Variants in PCED1A observed in about 807,000 individuals in gnomAD.
PCED1A encodes PC-esterase domain containing 1A.
In PCED1A, 20 loss-of-function variants were observed where a neutral mutation model predicts 41.9. That is an observed-to-expected ratio of 0.48 (90% confidence interval 0.34 to 0.69). The LOEUF (loss-of-function observed/expected upper bound fraction) is 0.69. Ranked by LOEUF, PCED1A falls within the 30% of genes least tolerant of loss-of-function variation. PCED1A has a pLI of 0.01. For synonymous variants in PCED1A, 236 were observed against 241.3 expected (o/e 0.98, Z 0.20); for missense variants, 498 against 602.1 (o/e 0.83, Z 1.81).
intron 6 of PCED1A, among the ~76,000 whole-genome samples, chr20:2,837,483 C>T (rs555788983): frequency 2.2e-4 from 34 of 152,300 alleles, no homozygotes; most frequent in African/African-American, 7.9e-4. Context: ...TTTAAGGACA[C>T]GATGCAGGGG....
rs1278051583 is a variant in PCED1A, at chr20:2,840,581, C to T, written c.-392G>A. 2 of 626,706 alleles carry T rather than the reference C, an allele frequency of 3.2e-6. No homozygotes were observed. Among genetic ancestry groups the T allele is most frequent in the East Asian group, 5.8e-5 (2 of 34,232 alleles). The allele number at this position is 626,706 out of a possible 1,614,324, so 38.8% of individuals were successfully genotyped here. ...CAGGGCGCAGGAGCCAGGGCTGGGC[C>T]CACTTGGCGGGCGCGAAGCCCAGGT... On this transcript the variant is annotated 5_prime_UTR_variant, in exon 1 of 8. Transcript: ENST00000360652.
At chr20:2,837,667 C>T (rs12480317) in intron 6 of PCED1A, among the ~76,000 whole-genome samples, 3,008 of 151,928 alleles carry the variant, frequency 0.02, 87 homozygotes, top group African/African-American at 0.056. Flanking sequence ...ACCAAAGGCC[C>T]AGAGATGGGG....
Position 2,836,672 on chromosome 20 carries a change from AC to A in PCED1A, c.842-359del, listed in dbSNP as rs1211363696. 5.3e-5 allele frequency among the ~76,000 whole-genome samples: 8 copies of A among 152,252 alleles called. No individual in the cohort carries two copies. The East Asian group carries it at 1.5e-3, about 29-fold the overall frequency. On this transcript the variant is annotated intron_variant, in intron 6 of 7. Transcript: ENST00000360652. ...TTCCCTTCCCCAACAACTTCCTTTT[AC>A]CATCCAAACTTCCAAAAGGAATGTT...
chr20:2,837,268 C>T (rs2088850454), intron 6 of PCED1A, among the ~76,000 whole-genome samples: 1 of 152,204 alleles, frequency 6.6e-6, no homozygotes, highest in Non-Finnish European at 1.5e-5. Flanking sequence ...CTCCTGGCTA[C>T]CAAGTGTTAC....
chr20:2,838,611 A>C lies in PCED1A; in HGVS notation c.579T>G (p.Gly193=). ...AGTCACTTGCCTCTGGCAGGAGGAAACCCCCAGTGATACGTTCCCCGAGGG... is the reference window on the plus strand; with the variant it reads ...AGTCACTTGCCTCTGGCAGGAGGAACCCCCCAGTGATACGTTCCCCGAGGG... ...AMPLGERITG[G]FLLPELQPLA... is the part of the protein sequence containing the mutation. The change falls in exon 5 of 8, where the codon GGT becomes GGG. Residue 193 remains glycine, a synonymous_variant. Transcript: ENST00000360652. The surrounding 1 kb of genome is among the most constrained non-coding windows in gnomAD (Gnocchi z 5.8). 1.2e-6 allele frequency: 2 copies of C among 1,613,958 alleles called. No individual in the cohort carries two copies. Among genetic ancestry groups the C allele is most frequent in the Non-Finnish European group, 1.7e-6 (2 of 1,179,982 alleles).
rs1446561266 is a variant in PCED1A, at chr20:2,836,190, C to T, written c.966G>A (p.Met322Ile). The T allele has an allele frequency of 2.5e-6, 4 of 1,607,836 alleles. No individual in the cohort carries two copies. Among genetic ancestry groups the T allele is most frequent in the Admixed American group, 1.7e-5 (1 of 59,474 alleles). Residue 322 changes from methionine to isoleucine, a missense_variant, in exon 7 of 8, where the codon ATG becomes ATA. By Grantham distance (10) the Met-to-Ile change is conservative. Coordinates refer to ENST00000360652, the MANE Select transcript of PCED1A (RefSeq NM_022760.6). ...PPPPSSLPPPMPFPYPLPQPS... is the reference protein window; with the variant it reads ...PPPPSSLPPPIPFPYPLPQPS... ...GCTGAGGAAGCGGGTAGGGAAAAGG[C>T]ATGGGAGGAGGCAAAGAAGAAGGTG...
In PCED1A at chr20:2,839,394, C is replaced by T. The variant is rs183710769; in HGVS notation, c.125-123G>A. On this transcript the variant is annotated intron_variant, in intron 2 of 7. Transcript: ENST00000360652. ...ACACCAGCTCTGTGGTTGACTTAGA[C>T]GCAGGAGAAAAGATGAGGTTAAAAA... The T allele has an allele frequency of 4.0e-5, 36 of 888,958 alleles. No homozygotes were observed. The Middle Eastern group carries it at 9.2e-4, about 23-fold the overall frequency. The allele number at this position is 888,958 out of a possible 1,614,324, so 55.1% of individuals were successfully genotyped here. A position where few individuals can be genotyped will look rare whatever the true frequency, so the allele number is the denominator to read the frequency against.
At chr20:2,836,631 C>A (rs1376818806) in intron 6 of PCED1A, among the ~76,000 whole-genome samples, 1 of 152,174 alleles carries the variant, frequency 6.6e-6, no homozygotes, top group Non-Finnish European at 1.5e-5. Context: ...ATAAGCCAAA[C>A]ATAAAGATCC....
chr20:2,840,345 G>T lies in PCED1A; in HGVS notation c.-156C>A. On this transcript the variant is annotated 5_prime_UTR_variant, in exon 1 of 8. Coordinates refer to ENST00000360652, the MANE Select transcript of PCED1A (RefSeq NM_022760.6). ...GGCCAGTCGGTTCTGCAAAGCTCCC[G>T]CCCCGCAGAGACCGTGGGTCCAGGT... 3.7e-6 allele frequency: 1 copy of T among 271,420 alleles called. No individual in the cohort carries two copies. Among genetic ancestry groups the T allele is most frequent in the Non-Finnish European group, 7.0e-6 (1 of 142,444 alleles). The allele number at this position is 271,420 out of a possible 1,614,324, so 16.8% of individuals were successfully genotyped here.
Position 2,838,547 on chromosome 20 carries a change from TA to T in PCED1A, c.594+48del. On this transcript the variant is annotated intron_variant, in intron 5 of 7. Transcript: ENST00000360652. This position sits in a 1 kb window ranked among gnomAD's most constrained non-coding sequence, Gnocchi z 5.8. ...GGGTCTGAAAGCAGGGTGTCCTATCTACCAGTCTGCTATCCCATCTCTTGTC... is the reference window on the plus strand; with the variant it reads ...GGGTCTGAAAGCAGGGTGTCCTATCTCCAGTCTGCTATCCCATCTCTTGTC... 1 of 1,614,020 alleles carries T rather than the reference TA, an allele frequency of 6.2e-7. No individual in the cohort carries two copies.
In PCED1A at chr20:2,838,682, G is replaced by C; in HGVS notation, c.508C>G (p.Gln170Glu). 1 of 1,614,180 alleles carries C rather than the reference G, an allele frequency of 6.2e-7. No individual in the cohort carries two copies. The highest frequency in any genetic ancestry group is 1.1e-5 in the South Asian group (1 of 91,090). The change falls in exon 5 of 8, where the codon CAA (glutamine) becomes GAA (glutamate). Residue 170 changes from glutamine to glutamate, a missense_variant. By Grantham distance (29) the Gln-to-Glu change is conservative. This residue lies in a region of PCED1A where 253 missense variants were observed against 369.7 expected (regional missense o/e 0.68). Transcript: ENST00000360652. This position sits in a 1 kb window ranked among gnomAD's most constrained non-coding sequence, Gnocchi z 5.8. ...AGCAGGCAGGAGTCTGGCAATACTT[G>C]GTCCATGCGCACAAACACCCGCTCC... is the stretch of plus-strand genomic sequence containing the variant. Reference protein sequence around the residue: ...NLERVFVRMDQVLPDSCLLVW... With the variant: ...NLERVFVRMDEVLPDSCLLVW...
Position 2,835,675 on chromosome 20 carries a change from A to G in PCED1A, c.1152T>C (p.Pro384=). Residue 384 remains proline (P), a synonymous_variant, in exon 8 of 8, where the codon CCT becomes CCC. Transcript: ENST00000360652. ...TAGGGCCAGGGATTGGAGGTGGCAG[A>G]GGGCCAGGCACAAAGTTCACTCCAG... ...CGPGVNFVPG[P]LPPPIPGPNP... is the part of the protein sequence containing the mutation. 6.3e-7 allele frequency: 1 copy of G among 1,580,836 alleles called. No individual in the cohort carries two copies. The highest frequency in any genetic ancestry group is 8.6e-7 in the Non-Finnish European group (1 of 1,158,450).
chr20:2,839,083 C>CA lies in PCED1A; in HGVS notation c.205-2_205-1insT. 1.3e-6 allele frequency: 2 copies of CA among 1,567,972 alleles called. No homozygotes were observed. The highest frequency in any genetic ancestry group is 1.7e-6 in the Non-Finnish European group (2 of 1,158,748). Reference sequence around the variant, plus strand: ...GGTCCTGTTCAAAGCTCAGCTCCCCCTACCCACCCCCCCCACCCTACTGGT... The same window carrying CA: ...GGTCCTGTTCAAAGCTCAGCTCCCCCATACCCACCCCCCCCACCCTACTGGT... On this transcript the variant is annotated splice_acceptor_variant, in intron 3 of 7. Transcript: ENST00000360652. LOFTEE classifies it high-confidence loss of function.
chr20:2,840,103 C>A, intron 1 of PCED1A, 108 bp downstream of exon 1: 1 of 615,704 alleles, frequency 1.6e-6, no homozygotes, highest in Non-Finnish European at 2.6e-6. Context: ...GGTCGTCCAG[C>A]CAGCAGGCCT....
intron 1 of PCED1A, 125 bp from the exon 2 acceptor site, chr20:2,840,058 G>A (rs919309842): frequency 1.1e-5 from 11 of 1,043,578 alleles, no homozygotes; most frequent in Non-Finnish European, 1.5e-5. Flanking sequence ...CCATGGTGGC[G>A]CCAGCCTTGG....
At position 2,839,914 on chromosome 20, in the gene PCED1A, C is replaced by A. The variant is rs200637799; in HGVS notation, c.-2G>T. Reference sequence around the variant, plus strand: ...CTCGCTCGACAGACAGAAGACCATGCCGCCACCAGCAACGACAGGCTGCAG... The same window carrying A: ...CTCGCTCGACAGACAGAAGACCATGACGCCACCAGCAACGACAGGCTGCAG... On this transcript the variant is annotated 5_prime_UTR_variant, in exon 2 of 8. Coordinates refer to ENST00000360652, the MANE Select transcript of PCED1A (RefSeq NM_022760.6). 1.9e-6 allele frequency: 3 copies of A among 1,610,826 alleles called. No homozygotes were observed. The highest frequency in any genetic ancestry group is 1.1e-5 in the South Asian group (1 of 90,912).
Position 2,838,947 on chromosome 20 carries a change from T to G in PCED1A, c.340A>C (p.Thr114Pro), listed in dbSNP as rs774729351. Reference protein sequence around the residue: ...GHHLVRFYFLTRVYSEYLEDV... With the variant: ...GHHLVRFYFLPRVYSEYLEDV... ...TCAAGGTACTCGGAGTAAACACGAG[T>G]GAGGAAGTAGAAGCGCACAAGGTGG... is the stretch of plus-strand genomic sequence containing the variant. Residue 114 changes from threonine to proline, a missense_variant, in exon 4 of 8, where the codon ACT (threonine) becomes CCT (proline). Physicochemically the swap from Thr to Pro is conservative, Grantham distance 38 (BLOSUM62 -1). Coordinates refer to ENST00000360652, the MANE Select transcript of PCED1A (RefSeq NM_022760.6). This position sits in a 1 kb window ranked among gnomAD's most constrained non-coding sequence, Gnocchi z 5.8. 1.9e-6 allele frequency: 3 copies of G among 1,613,272 alleles called. No homozygotes were observed. The highest frequency in any genetic ancestry group is 2.5e-6 in the Non-Finnish European group (3 of 1,179,852).
In PCED1A at chr20:2,840,592, G is replaced by A. The variant is rs1000390265; in HGVS notation, c.-403C>T. 4 of 646,904 alleles carry A rather than the reference G, an allele frequency of 6.2e-6. No homozygotes were observed. The Admixed American group carries it at 1.1e-4, about 18-fold the overall frequency. The allele number at this position is 646,904 out of a possible 1,614,324, so 40.1% of individuals were successfully genotyped here. ...AGCCAGGGCTGGGCCCACTTGGCGG[G>A]CGCGAAGCCCAGGTACGGGCTGGGG... On this transcript the variant is annotated 5_prime_UTR_variant, in exon 1 of 8. Transcript: ENST00000360652.
chr20:2,839,370 C>T, intron 2 of PCED1A, 99 bp from the exon 3 acceptor site: 3 of 1,104,348 alleles, frequency 2.7e-6, no homozygotes, highest in Non-Finnish European at 4.0e-6. Flanking sequence ...AGGTGCCCGA[C>T]ACCAGCTCTG....
Sources: allele counts gnomAD v4.1 joint callset (sites outside exome capture counted in the v4.1 genomes callset), GRCh38; gene constraint gnomAD v4.1.1; regional missense constraint gnomAD v4.1.1; non-coding constraint Gnocchi (gnomAD v3.1); transcripts MANE v1.5; gene names NCBI Gene and HGNC (gene_info 2026-07-23, HGNC 2026-07-21).